Variants in GFRA1 observed in about 807,000 individuals in gnomAD.
GFRA1 encodes the protein GDNF family receptor alpha-1.
In GFRA1, 16 loss-of-function variants were observed where a neutral mutation model predicts 51.6. That is an observed-to-expected ratio of 0.31 (90% CI 0.21 to 0.47). The LOEUF (loss-of-function observed/expected upper bound fraction) is 0.47, where lower values mean the gene tolerates loss of function less well. Among genes scored for constraint, GFRA1 ranks in the 20% least tolerant of loss-of-function variants. The probability of loss-of-function intolerance (pLI) is 1.00; values close to 1 mark genes in which losing one functional copy is unlikely to be tolerated. For missense variants in GFRA1, 530 were observed against 594.3 expected, an observed-to-expected ratio of 0.89 and a Z score of 1.13; for synonymous variants, 270 against 241.3, an observed-to-expected ratio of 1.12 and a Z score of -1.10.
intron 2 of GFRA1, 130 bp from the exon 3 acceptor site, chr10:116,271,245 G>C (rs1487701871): frequency 1.9e-5 from 13 of 682,660 alleles, no homozygotes; most frequent in South Asian, 1.5e-4. Context: ...TCTGGGAGCG[G>C]GTCCACCTCT....
At chr10:116,248,231 A>C (rs1200500147) in intron 4 of GFRA1, among the ~76,000 whole-genome samples, 2 of 152,174 alleles carry the variant, frequency 1.3e-5, no homozygotes, top group African/African-American at 4.8e-5. Flanking sequence ...TCAGAGCTGG[A>C]GATCACAGGT....
At chr10:116,239,027 T>C (rs916362485) in intron 4 of GFRA1, among the ~76,000 whole-genome samples, 4 of 152,212 alleles carry the variant, frequency 2.6e-5, no homozygotes, top group African/African-American at 7.2e-5. Context: ...TCCAGCTATA[T>C]TGGAAGCAAA....
At chr10:116,208,736 T>C (rs953638653) in intron 5 of GFRA1, among the ~76,000 whole-genome samples, 1 of 152,228 alleles carries the variant, frequency 6.6e-6, no homozygotes, top group East Asian at 1.9e-4. Context: ...AGAATCAAGG[T>C]TGAGGCAACG....
At chr10:116,244,332 T>TA (rs1227703721) in intron 4 of GFRA1, among the ~76,000 whole-genome samples, 1 of 148,318 alleles carries the variant, frequency 6.7e-6, no homozygotes, top group Non-Finnish European at 1.5e-5. Context: ...ATAATTTTAA[T>TA]AATTAAAATT....
At chr10:116,092,693 G>A (rs901203261) in intron 8 of GFRA1, among the ~76,000 whole-genome samples, 2 of 152,186 alleles carry the variant, frequency 1.3e-5, no homozygotes, top group Admixed American at 6.5e-5. Flanking sequence ...TCTGGCATGC[G>A]AGGCTTATGT....
chr10:116,088,579 G>A (rs995734306), intron 9 of GFRA1, among the ~76,000 whole-genome samples: 2 of 152,114 alleles, frequency 1.3e-5, no homozygotes. Flanking sequence ...TATAGTGACA[G>A]CATCTCTCCT....
chr10:116,267,846 G>A (rs1388578213), intron 4 of GFRA1, among the ~76,000 whole-genome samples: 1 of 152,110 alleles, frequency 6.6e-6, no homozygotes, highest in Non-Finnish European at 1.5e-5. Flanking sequence ...GTGACATGGA[G>A]TGGAAATTAT....
intron 6 of GFRA1, among the ~76,000 whole-genome samples, chr10:116,103,839 C>A (rs1589791413): frequency 1.3e-5 from 2 of 152,324 alleles, no homozygotes; most frequent in African/African-American, 4.8e-5. Context: ...TGGAAAGCAT[C>A]CTTCAGGAAA....
chr10:116,194,437 C>G (rs1963558383), intron 5 of GFRA1, among the ~76,000 whole-genome samples: 1 of 152,100 alleles, frequency 6.6e-6, no homozygotes, highest in African/African-American at 2.4e-5. Context: ...CTAATTTATC[C>G]TGAAGAAATC....
chr10:116,062,406 A>C lies in GFRA1; in HGVS notation c.*1992T>G. On this transcript the variant is annotated 3_prime_UTR_variant, in exon 11 of 11. Coordinates refer to ENST00000355422, the MANE Select transcript of GFRA1 (RefSeq NM_005264.8). ...ATTAAATACAGTTGGGTGTCTGCTG[A>C]ATTTCCCTTGAAAACATTTTGAAGT... 3 of 322,728 alleles carry C rather than the reference A, an allele frequency of 9.3e-6. No homozygotes were observed. Among genetic ancestry groups the C allele is most frequent in the East Asian group, 9.7e-5 (2 of 20,716 alleles). 20.0% of individuals were successfully genotyped at this position (322,728 alleles called of 1,614,324 possible).
At chr10:116,269,687 C>T in intron 3 of GFRA1, 101 bp from the exon 4 acceptor site, 1 of 749,318 alleles carries the variant, frequency 1.3e-6, no homozygotes, top group South Asian at 1.5e-5. Context: ...GATTGTGTAA[C>T]AAAAAGACGC....
chr10:116,154,511 T>G lies in GFRA1; in HGVS notation c.434-28954A>C, dbSNP rs79728076. Among the ~76,000 whole-genome samples the G allele has an allele frequency of 3.5e-4, 53 of 152,264 alleles. 2 individuals carry two copies. The East Asian group carries it at 0.01, about 29-fold the overall frequency. Reference sequence around the variant, plus strand: ...TTATATAAAGTTCAAACAGGCAAACTTAATCCATGCTGACAGAAGGCAGAA... The same window carrying G: ...TTATATAAAGTTCAAACAGGCAAACGTAATCCATGCTGACAGAAGGCAGAA... On this transcript the variant is annotated intron_variant, in intron 5 of 10. Transcript: ENST00000355422.
At chr10:116,255,619 G>C in intron 4 of GFRA1, 1 of 1,288,606 alleles carries the variant, frequency 7.8e-7, no homozygotes, top group Middle Eastern at 2.1e-4. Flanking sequence ...CTTTTCCACT[G>C]ATGTGTTAGC....
intron 5 of GFRA1, among the ~76,000 whole-genome samples, chr10:116,140,157 G>C (rs1017149857): frequency 6.6e-6 from 1 of 152,192 alleles, no homozygotes; most frequent in Non-Finnish European, 1.5e-5. Context: ...GTAGAAGTGT[G>C]AAGGTGGAAG....
At chr10:116,117,083 G>A (rs373572706) in intron 6 of GFRA1, among the ~76,000 whole-genome samples, 2 of 152,200 alleles carry the variant, frequency 1.3e-5, no homozygotes, top group African/African-American at 4.8e-5. Context: ...TGATTCCTAC[G>A]TCCTCTGTGT....
intron 9 of GFRA1, among the ~76,000 whole-genome samples, chr10:116,073,415 T>C (rs866807581): frequency 1.7e-4 from 26 of 152,240 alleles, no homozygotes; most frequent in African/African-American, 5.8e-4. Flanking sequence ...TTTTCATTCA[T>C]GGTTAACTTG....
At chr10:116,134,785 C>T (rs1176085462) in intron 5 of GFRA1, among the ~76,000 whole-genome samples, 1 of 152,192 alleles carries the variant, frequency 6.6e-6, no homozygotes, top group African/African-American at 2.4e-5. Context: ...TTGTTAACCA[C>T]AAGTCATGGG....
chr10:116,192,112 T>G, intron 5 of GFRA1, among the ~76,000 whole-genome samples: 1 of 152,236 alleles, frequency 6.6e-6, no homozygotes, highest in East Asian at 1.9e-4. Context: ...TCCTTGTCTG[T>G]GACTTAAGAA....
intron 4 of GFRA1, among the ~76,000 whole-genome samples, chr10:116,238,779 A>T (rs1054814823): frequency 6.6e-6 from 1 of 152,222 alleles, no homozygotes; most frequent in Admixed American, 6.5e-5. Context: ...TTAACTTTCA[A>T]CTATTGACAT....
Sources: gnomAD v4.1 joint callset for allele counts (sites outside exome capture counted in the v4.1 genomes callset) on GRCh38, gnomAD v4.1.1 for gene constraint, MANE v1.5 for transcripts, NCBI Gene and HGNC (gene_info 2026-07-23, HGNC 2026-07-21) for gene names.